Variants in ORAI2 observed in about 807,000 individuals in gnomAD.
ORAI2 encodes protein orai-2.
In ORAI2, 10 loss-of-function variants were observed where a neutral mutation model predicts 16.2. That is an observed-to-expected ratio of 0.62 (90% confidence interval 0.38 to 1.04). ORAI2 has a LOEUF of 1.04. Ranked by LOEUF, ORAI2 falls within the 50% of genes least tolerant of loss-of-function variation. The probability of loss-of-function intolerance (pLI) is 0.01; values close to 1 mark genes in which losing one functional copy is unlikely to be tolerated. For missense variants in ORAI2, 238 were observed against 355.5 expected (o/e 0.67, Z 2.66); for synonymous variants, 150 against 157.5 (o/e 0.95, Z 0.35).
intron 3 of ORAI2, among the ~76,000 whole-genome samples, chr7:102,441,835 C>T (rs1483867500): frequency 1.3e-5 from 2 of 151,958 alleles, no homozygotes; most frequent in East Asian, 3.9e-4. Context: ...ATTAGCATAG[C>T]GCCATCCGGT....
intron 3 of ORAI2, among the ~76,000 whole-genome samples, chr7:102,439,625 G>C (rs77344552): frequency 5.9e-4 from 89 of 151,994 alleles, no homozygotes; most frequent in Non-Finnish European, 1.0e-3. Context: ...TTAGCCGGAC[G>C]TGGTGGCGTG....
At chr7:102,442,670 G>A (rs749238305) in intron 3 of ORAI2, among the ~76,000 whole-genome samples, 15 of 151,786 alleles carry the variant, frequency 9.9e-5, no homozygotes, top group Non-Finnish European at 2.1e-4. Flanking sequence ...CTCGGTGGCA[G>A]AGCAGGACTC....
Position 102,436,320 on chromosome 7 carries a change from G to C in ORAI2, c.-27G>C, listed in dbSNP as rs1275464567. 5 of 985,380 alleles carry C rather than the reference G, an allele frequency of 5.1e-6. No homozygotes were observed. Among genetic ancestry groups the C allele is most frequent in the Middle Eastern group, 5.2e-4 (1 of 1,936 alleles). The allele number at this position is 985,380 out of a possible 1,614,324, so 61.0% of individuals were successfully genotyped here. ...GGATGGAGAGCCTGAGTTGGCATTC[G>C]TATAAATGACCTGGTAATTGGCATC... On this transcript the variant is annotated 5_prime_UTR_variant, in exon 2 of 4. Coordinates refer to ENST00000495936, the MANE Select transcript of ORAI2 (RefSeq NM_001126340.3).
intron 3 of ORAI2, among the ~76,000 whole-genome samples, chr7:102,439,733 C>T (rs1797148672): frequency 6.6e-6 from 1 of 151,890 alleles, no homozygotes; most frequent in Non-Finnish European, 1.5e-5. Context: ...GACTGCACTC[C>T]AGCCTGGACG....
Position 102,456,445 on chromosome 7 carries a change from G to C in ORAI2, c.*9393G>C, listed in dbSNP as rs1797648771. 1 of 152,192 alleles carries C rather than the reference G, an allele frequency of 6.6e-6. No homozygotes were observed. The highest frequency in any genetic ancestry group is 2.1e-4 in the South Asian group (1 of 4,838). 9.4% of individuals were successfully genotyped at this position (152,192 alleles called of 1,614,324 possible). On this transcript the variant is annotated 3_prime_UTR_variant, in exon 4 of 4. Coordinates refer to ENST00000495936, the MANE Select transcript of ORAI2 (RefSeq NM_001126340.3). ...TGTTTGTATTTTTTGTAGAGATGGG[G>C]GTCTCACTATGTTGCCCAGGCTGGC...
At chr7:102,445,893 CTCTCTT>C (rs1261786816) in intron 3 of ORAI2, among the ~76,000 whole-genome samples, 7 of 115,008 alleles carry the variant, frequency 6.1e-5, no homozygotes, top group Admixed American at 5.6e-4. Flanking sequence ...CTCTTTCTTT[CTCTCTT>C]TCTCTTTCTC....
At chr7:102,441,538 CAAA>C (rs1339250821) in intron 3 of ORAI2, among the ~76,000 whole-genome samples, 1 of 59,258 alleles carries the variant, frequency 1.7e-5, no homozygotes, top group Admixed American at 1.9e-4. Context: ...GACTGCATCT[CAAA>C]AAAAAAAAAA....
chr7:102,445,024 G>T (rs1652748519), intron 3 of ORAI2, among the ~76,000 whole-genome samples: 1 of 71,306 alleles, frequency 1.4e-5, no homozygotes, highest in Non-Finnish European at 2.4e-5. Flanking sequence ...GTTCGTTTTA[G>T]ACTCTACCTG....
At chr7:102,437,254 G>A (rs941116484) in intron 2 of ORAI2, among the ~76,000 whole-genome samples, 1 of 152,172 alleles carries the variant, frequency 6.6e-6, no homozygotes, top group African/African-American at 2.4e-5. Flanking sequence ...AGTTTGCCTT[G>A]TAGCTTGGAT....
rs1797582091 is a variant in ORAI2, at chr7:102,453,725, T to C, written c.*6673T>C. ...GACCCACTCCACACCCAGCAGATCA[T>C]CGACGCAGACTTTTTTTTTCCCAGA... On this transcript the variant is annotated 3_prime_UTR_variant, in exon 4 of 4. Transcript: ENST00000495936. 1 of 152,242 alleles carries C rather than the reference T, an allele frequency of 6.6e-6. No individual in the cohort carries two copies. The highest frequency in any genetic ancestry group is 6.5e-5 in the Admixed American group (1 of 15,280). The allele number at this position is 152,242 out of a possible 1,614,324, so 9.4% of individuals were successfully genotyped here.
chr7:102,438,836 G>A, intron 2 of ORAI2, 108 bp from the exon 3 acceptor site: 1 of 973,214 alleles, frequency 1.0e-6, no homozygotes, highest in South Asian at 1.4e-5. Context: ...CCTGGGCTCT[G>A]GCGTGGGCTG....
chr7:102,443,196 G>C (rs1471086176), intron 3 of ORAI2, among the ~76,000 whole-genome samples: 1 of 145,882 alleles, frequency 6.9e-6, no homozygotes, highest in Admixed American at 6.9e-5. Flanking sequence ...GAACTCCTGG[G>C]CTTAAGTGAT....
At chr7:102,435,693 G>A (rs755171596) in intron 1 of ORAI2, among the ~76,000 whole-genome samples, 8 of 151,606 alleles carry the variant, frequency 5.3e-5, no homozygotes, top group East Asian at 1.9e-4. Flanking sequence ...GGAGTGCCGC[G>A]GTAGGATCTC....
At position 102,433,854 on chromosome 7, in the gene ORAI2, G is replaced by A. The variant is rs1796988931; in HGVS notation, c.-123+193G>A. ...GGGGTGCGGCGCCCAGAGGATCAGG[G>A]TCGGCGGCGCAGCCGGTTCCGGACA... On this transcript the variant is annotated intron_variant, in intron 1 of 3. Transcript: ENST00000495936. This position sits in a 1 kb window ranked among gnomAD's most constrained non-coding sequence, Gnocchi z 4.6. Among the ~76,000 whole-genome samples, 1 of 152,002 alleles carries A rather than the reference G, an allele frequency of 6.6e-6. No individual in the cohort carries two copies. The highest frequency in any genetic ancestry group is 2.4e-5 in the African/African-American group (1 of 41,410).
At chr7:102,439,462 C>A (rs533535357) in intron 3 of ORAI2, among the ~76,000 whole-genome samples, 5 of 152,180 alleles carry the variant, frequency 3.3e-5, no homozygotes, top group African/African-American at 1.2e-4. Flanking sequence ...GAGGTTGGTG[C>A]GGGGTAATTA....
Position 102,447,181 on chromosome 7 carries a change from C to A in ORAI2, c.*129C>A. 1 of 1,004,800 alleles carries A rather than the reference C, an allele frequency of 1.0e-6. No individual in the cohort carries two copies. Among genetic ancestry groups the A allele is most frequent in the Non-Finnish European group, 1.4e-6 (1 of 706,814 alleles). The allele number at this position is 1,004,800 out of a possible 1,614,324, so 62.2% of individuals were successfully genotyped here. ...CCAAAGTTTTCCTCTTGTCTTAATA[C>A]CATAAGGACTGGATGACTTCTCCTG... On this transcript the variant is annotated 3_prime_UTR_variant, in exon 4 of 4. Transcript: ENST00000495936.
chr7:102,435,192 G>C (rs531627808), intron 1 of ORAI2, among the ~76,000 whole-genome samples: 28 of 152,190 alleles, frequency 1.8e-4, no homozygotes, highest in Non-Finnish European at 3.7e-4. Flanking sequence ...GATCGCTTGA[G>C]CCTGGGAGGT....
Position 102,446,743 on chromosome 7 carries a change from C to T in ORAI2, c.456C>T (p.Phe152=). Reference sequence around the variant, plus strand: ...CCTACATCGAGCTGGCCTGGGGCTTCTCCACCGTGCTTGGCATCCTACTCT... The same window carrying T: ...CCTACATCGAGCTGGCCTGGGGCTTTTCCACCGTGCTTGGCATCCTACTCT... ...MHPYIELAWG[F]STVLGILLFL... The change falls in exon 4 of 4, where the codon TTC becomes TTT. Residue 152 remains phenylalanine (F), a synonymous_variant. Transcript: ENST00000495936. 6.2e-7 allele frequency: 1 copy of T among 1,614,190 alleles called. No homozygotes were observed. Among genetic ancestry groups the T allele is most frequent in the African/African-American group, 1.3e-5 (1 of 75,066 alleles).
In ORAI2 at chr7:102,447,080, C is replaced by A. The variant is rs754590167; in HGVS notation, c.*28C>A. 53 of 1,499,210 alleles carry A rather than the reference C, an allele frequency of 3.5e-5. No individual in the cohort carries two copies. The highest frequency in any genetic ancestry group is 1.9e-4 in the Middle Eastern group (1 of 5,210). The allele number at this position is 1,499,210 out of a possible 1,614,324, so 92.9% of individuals were successfully genotyped here. A position where few individuals can be genotyped will look rare whatever the true frequency, so the allele number is the denominator to read the frequency against. ...GGCCGAGGGCCGGGGCTGGGAGCGG[C>A]CCTGTGCCCGGGAGTCCGCAGAGGC... On this transcript the variant is annotated 3_prime_UTR_variant, in exon 4 of 4. Transcript: ENST00000495936.
Sources: allele counts gnomAD v4.1 joint callset (sites outside exome capture counted in the v4.1 genomes callset), GRCh38; gene constraint gnomAD v4.1.1; non-coding constraint Gnocchi (gnomAD v3.1); transcripts MANE v1.5; gene names NCBI Gene and HGNC (gene_info 2026-07-23, HGNC 2026-07-21).